The following SGCZ variants were observed in gnomAD, a reference collection of about 807,000 sequenced individuals.
SGCZ encodes zeta-sarcoglycan.
A neutral mutation model predicts 41.3 loss-of-function variants in SGCZ; 40 were observed. That is an observed-to-expected ratio of 0.97 (90% confidence interval 0.75 to 1.26). SGCZ has a LOEUF of 1.26. SGCZ is among the 50% of genes most tolerant of loss of function. The probability of loss-of-function intolerance (pLI) is 0.00; values close to 1 mark genes in which losing one functional copy is unlikely to be tolerated. For missense variants in SGCZ, 552 were observed against 369.8 expected, an observed-to-expected ratio of 1.49 and a Z score of -4.04; for synonymous variants, 206 against 137.5, an observed-to-expected ratio of 1.50 and a Z score of -3.49.
rs1337836408 is a variant in SGCZ, at chr8:14,826,978, C to T, written c.40-272052G>A. Reference sequence around the variant, plus strand: ...TCAATTTTGGCTTTTGTTGCCATTGCTTTTGGTGTTTTAGACATGAAGTCC... The same window carrying T: ...TCAATTTTGGCTTTTGTTGCCATTGTTTTTGGTGTTTTAGACATGAAGTCC... On this transcript the variant is annotated intron_variant, in intron 1 of 7. Transcript: ENST00000382080. 2.0e-5 allele frequency among the ~76,000 whole-genome samples: 3 copies of T among 152,088 alleles called. No homozygotes were observed. In the East Asian group the frequency reaches 5.8e-4, roughly 29 times the overall value.
intron 4 of SGCZ, among the ~76,000 whole-genome samples, chr8:14,166,927 C>T (rs546007996): frequency 3.0e-4 from 45 of 152,188 alleles, no homozygotes; most frequent in African/African-American, 1.0e-3. Context: ...TAAATAAATG[C>T]ATGCAGAGTC....
rs1801578888 is a variant in SGCZ, at chr8:14,088,120, AT to A, written c.*2322del. Among the ~76,000 whole-genome samples, 1 of 150,250 alleles carries A rather than the reference AT, an allele frequency of 6.7e-6. No homozygotes were observed. The highest frequency in any genetic ancestry group is 2.4e-5 in the African/African-American group (1 of 40,876). ...CTTATGACATATAATTTAAAATTTCATTTTTCTCTTTTGCCTTTTGTAATTT... is the reference window on the plus strand; with the variant it reads ...CTTATGACATATAATTTAAAATTTCATTTTCTCTTTTGCCTTTTGTAATTT... On this transcript the variant is annotated 3_prime_UTR_variant, in exon 8 of 8. Coordinates refer to ENST00000382080, the MANE Select transcript of SGCZ (RefSeq NM_139167.4).
chr8:14,141,980 G>T (rs1803384472), intron 5 of SGCZ, among the ~76,000 whole-genome samples: 2 of 152,206 alleles, frequency 1.3e-5, no homozygotes, highest in Admixed American at 1.3e-4. Flanking sequence ...GGAATACTCT[G>T]CAGTCATAAA....
chr8:14,156,185 C>G (rs59362499), intron 5 of SGCZ, among the ~76,000 whole-genome samples: 1,945 of 152,192 alleles, frequency 0.013, 50 homozygotes, highest in African/African-American at 0.045. Flanking sequence ...AAATATTTTT[C>G]TTGGCCACTC....
chr8:14,396,031 C>T (rs572680779), intron 2 of SGCZ, among the ~76,000 whole-genome samples: 2 of 152,148 alleles, frequency 1.3e-5, no homozygotes, highest in South Asian at 4.2e-4. Flanking sequence ...AGAGAGGGTA[C>T]GTACAAAAGA....
chr8:14,521,936 A>C (rs1258802228), intron 2 of SGCZ, among the ~76,000 whole-genome samples: 5 of 152,110 alleles, frequency 3.3e-5, no homozygotes, highest in African/African-American at 1.2e-4. Flanking sequence ...GTTTCTCTCT[A>C]TTACTCCTTT....
chr8:14,377,522 TTTTA>T (rs1173261923), intron 2 of SGCZ, among the ~76,000 whole-genome samples: 2 of 152,024 alleles, frequency 1.3e-5, no homozygotes, highest in Admixed American at 6.6e-5. Flanking sequence ...TTTTTTTTGT[TTTTA>T]TTTTTTTCTT....
chr8:14,678,781 AG>A (rs1808352249), intron 1 of SGCZ, among the ~76,000 whole-genome samples: 1 of 152,234 alleles, frequency 6.6e-6, no homozygotes, highest in Non-Finnish European at 1.5e-5. Flanking sequence ...GAAGCAACCA[AG>A]ATGTTCTTCA....
At chr8:14,863,023 C>A (rs545342159) in intron 1 of SGCZ, among the ~76,000 whole-genome samples, 1 of 152,228 alleles carries the variant, frequency 6.6e-6, no homozygotes, top group African/African-American at 2.4e-5. Context: ...TTTTTGAAAT[C>A]ATATTGATTA....
rs116397666 is a variant in SGCZ at position 15,056,130 on chromosome 8, C to G, written c.39+181455G>C. ...TTCTAACTGCATTTGTGAGACAGCT[C>G]TCCCAGCCCCTTACTCCCAGGCTCA... On this transcript the variant is annotated intron_variant, in intron 1 of 7. Transcript: ENST00000382080. Among the ~76,000 whole-genome samples the G allele has an allele frequency of 2.7e-3, 412 of 152,272 alleles. 1 individual carries two copies. Among genetic ancestry groups the G allele is most frequent in the African/African-American group, 9.2e-3 (384 of 41,560 alleles).
chr8:14,472,694 G>A (rs1801247894), intron 2 of SGCZ, among the ~76,000 whole-genome samples: 1 of 152,094 alleles, frequency 6.6e-6, no homozygotes, highest in Non-Finnish European at 1.5e-5. Context: ...TTAACTGGGA[G>A]AAGGAATATA....
At chr8:14,311,685 T>C (rs1361935820) in intron 3 of SGCZ, among the ~76,000 whole-genome samples, 1 of 152,208 alleles carries the variant, frequency 6.6e-6, no homozygotes, top group African/African-American at 2.4e-5. Flanking sequence ...ATGCAAAGCA[T>C]TCTGTTTGTC....
intron 1 of SGCZ, among the ~76,000 whole-genome samples, chr8:15,144,684 G>T (rs779784466): frequency 6.6e-6 from 1 of 152,250 alleles, no homozygotes; most frequent in Admixed American, 6.5e-5. Context: ...TCGAACTCCC[G>T]ACCTCAGGTG....
chr8:14,756,374 G>A (rs954143560), intron 1 of SGCZ, among the ~76,000 whole-genome samples: 2 of 151,962 alleles, frequency 1.3e-5, no homozygotes, highest in Middle Eastern at 3.2e-3. Context: ...TAGTAGAGAT[G>A]GGGTTTCTCC....
In SGCZ at chr8:14,189,066, C is replaced by G. The variant is rs937430957; in HGVS notation, c.425-24364G>C. Among the ~76,000 whole-genome samples the G allele has an allele frequency of 3.4e-5, 5 of 148,760 alleles. No individual in the cohort carries two copies. The South Asian group carries it at 1.1e-3, about 32-fold the overall frequency. ...TAGAGATGGGGTTTTACTATGTTGG[C>G]AAGGCTGGTCTTGAACTCCTGACCT... On this transcript the variant is annotated intron_variant, in intron 4 of 7. Transcript: ENST00000382080.
At chr8:14,901,335 G>C (rs952633372) in intron 1 of SGCZ, among the ~76,000 whole-genome samples, 2 of 152,132 alleles carry the variant, frequency 1.3e-5, no homozygotes, top group African/African-American at 4.8e-5. Context: ...TTATGCATGG[G>C]AGTAGCTCCC....
intron 5 of SGCZ, among the ~76,000 whole-genome samples, chr8:14,126,759 G>C (rs1490606456): frequency 6.6e-6 from 1 of 152,142 alleles, no homozygotes; most frequent in African/African-American, 2.4e-5. Flanking sequence ...CATCAACTGG[G>C]TAAAGAAAAT....
At chr8:15,057,801 G>C (rs1411152212) in intron 1 of SGCZ, among the ~76,000 whole-genome samples, 1 of 152,078 alleles carries the variant, frequency 6.6e-6, no homozygotes, top group Admixed American at 6.6e-5. Flanking sequence ...GATTACAAAT[G>C]TCCTTTCCAG....
chr8:14,375,661 G>T (rs1027694027), intron 2 of SGCZ, among the ~76,000 whole-genome samples: 3 of 152,016 alleles, frequency 2.0e-5, no homozygotes, highest in African/African-American at 4.8e-5. Context: ...ATATATGAAA[G>T]TTACACAACT....
Sources: allele counts gnomAD v4.1 joint callset (sites outside exome capture counted in the v4.1 genomes callset), GRCh38; gene constraint gnomAD v4.1.1; transcripts MANE v1.5; gene names NCBI Gene and HGNC (gene_info 2026-07-23, HGNC 2026-07-21).